IGF2BP2: variants seen among roughly 807,000 people sequenced by gnomAD.
IGF2BP2 encodes insulin-like growth factor 2 mRNA-binding protein 2.
In IGF2BP2, 17 loss-of-function variants were observed where a neutral mutation model predicts 75.8. That is an observed-to-expected ratio of 0.22 (90% CI 0.15 to 0.34). The LOEUF (loss-of-function observed/expected upper bound fraction) is 0.34. Ranked by LOEUF, IGF2BP2 falls within the 10% of genes least tolerant of loss-of-function variation. The pLI, the probability that IGF2BP2 is intolerant of heterozygous loss-of-function variation, is 1.00. For missense variants in IGF2BP2, 516 were observed against 772.4 expected (o/e 0.67, Z 3.93); for synonymous variants, 288 against 295.6 (o/e 0.97, Z 0.26).
intron 2 of IGF2BP2, among the ~76,000 whole-genome samples, chr3:185,727,297 C>G (rs182096771): frequency 1.7e-3 from 260 of 151,766 alleles, no homozygotes; most frequent in Non-Finnish European, 2.3e-3. Context: ...GCAAGGGAGA[C>G]GCAGAGCCCT....
intron 2 of IGF2BP2, among the ~76,000 whole-genome samples, chr3:185,748,071 G>A (rs1182290423): frequency 6.6e-6 from 1 of 151,982 alleles, no homozygotes; most frequent in Non-Finnish European, 1.5e-5. Flanking sequence ...TAGCCAGGAT[G>A]GTCTCAATCT....
chr3:185,810,758 C>T (rs890447446), intron 2 of IGF2BP2, among the ~76,000 whole-genome samples: 2 of 147,086 alleles, frequency 1.4e-5, no homozygotes, highest in Non-Finnish European at 1.5e-5. Context: ...TAGGCAACAG[C>T]GAGACTCTGT....
intron 2 of IGF2BP2, among the ~76,000 whole-genome samples, chr3:185,776,040 T>C (rs1386695065): frequency 6.6e-6 from 1 of 152,102 alleles, no homozygotes; most frequent in African/African-American, 2.4e-5. Context: ...GCCCAGGAGT[T>C]TGAGACGAAC....
chr3:185,682,587 GA>G (rs1021861920), intron 7 of IGF2BP2, among the ~76,000 whole-genome samples: 2 of 152,096 alleles, frequency 1.3e-5, no homozygotes, highest in African/African-American at 4.8e-5. Context: ...CTCCCATAAC[GA>G]AAGAATCAAA....
intron 12 of IGF2BP2, among the ~76,000 whole-genome samples, chr3:185,652,913 G>A (rs561058697): frequency 6.6e-6 from 1 of 152,256 alleles, no homozygotes; most frequent in Non-Finnish European, 1.5e-5. Flanking sequence ...CTGGGTTCAA[G>A]CGAGTCTCCT....
chr3:185,773,940 G>A (rs547328637), intron 2 of IGF2BP2, among the ~76,000 whole-genome samples: 9 of 152,214 alleles, frequency 5.9e-5, no homozygotes, highest in South Asian at 4.1e-4. Flanking sequence ...GCTCCTTCGC[G>A]GAGATCTTCT....
At chr3:185,778,793 A>G (rs1038116711) in intron 2 of IGF2BP2, among the ~76,000 whole-genome samples, 10 of 152,204 alleles carry the variant, frequency 6.6e-5, no homozygotes, top group African/African-American at 2.4e-4. Context: ...TTGTGCTACA[A>G]TTCTCCAATC....
chr3:185,803,927 C>T (rs943249614), intron 2 of IGF2BP2, among the ~76,000 whole-genome samples: 1 of 151,964 alleles, frequency 6.6e-6, no homozygotes. Context: ...AGTTTGAGAC[C>T]AGCCTGGCCA....
Position 185,698,333 on chromosome 3 carries a change from T to C in IGF2BP2, c.254A>G (p.Gln85Arg). 1 of 1,614,030 alleles carries C rather than the reference T, an allele frequency of 6.2e-7. No individual in the cohort carries two copies. Among genetic ancestry groups the C allele is most frequent in the Non-Finnish European group, 8.5e-7 (1 of 1,179,898 alleles). The change falls in exon 3 of 16, where the codon CAG (glutamine) becomes CGG (arginine). Residue 85 changes from glutamine to arginine, a missense_variant. Physicochemically the swap from Gln to Arg is conservative, Grantham distance 43 (BLOSUM62 1). Transcript: ENST00000382199. ...CAGGTGAGGAGGGATGTTTCGAATC[T>C]GAATTTTCCTGCTCCTGTAAAGATA... ...VSKKLRSRKIQIRNIPPHLQW... is the reference protein window; with the variant it reads ...VSKKLRSRKIRIRNIPPHLQW...
At chr3:185,683,136 A>G (rs985305352) in intron 7 of IGF2BP2, among the ~76,000 whole-genome samples, 4 of 152,230 alleles carry the variant, frequency 2.6e-5, no homozygotes, top group African/African-American at 9.6e-5. Context: ...AGCCTGTTAC[A>G]TGCTATAACA....
intron 2 of IGF2BP2, among the ~76,000 whole-genome samples, chr3:185,730,399 T>C (rs1727987536): frequency 1.3e-5 from 2 of 151,460 alleles, no homozygotes; most frequent in African/African-American, 4.9e-5. Flanking sequence ...TGGTGAACGG[T>C]ACGATGATAA....
chr3:185,733,331 A>T (rs1418448538), intron 2 of IGF2BP2, among the ~76,000 whole-genome samples: 1 of 152,212 alleles, frequency 6.6e-6, no homozygotes, highest in African/African-American at 2.4e-5. Flanking sequence ...AAGGAAACTG[A>T]GGAATGGTTA....
chr3:185,677,064 T>TAGAGAGAGAG (rs1227931431), intron 7 of IGF2BP2, among the ~76,000 whole-genome samples: 6 of 45,766 alleles, frequency 1.3e-4, no homozygotes, highest in African/African-American at 5.4e-4. Context: ...TATATATATA[T>TAGAGAGAGAG]ATATAGAGAG....
At chr3:185,783,683 T>C (rs191695937) in intron 2 of IGF2BP2, among the ~76,000 whole-genome samples, 2 of 152,300 alleles carry the variant, frequency 1.3e-5, no homozygotes, top group African/African-American at 4.8e-5. Context: ...TGCTTCCCCA[T>C]CTATGATGTA....
At chr3:185,729,890 T>C (rs1296799688) in intron 2 of IGF2BP2, 1 of 152,244 alleles carries the variant, frequency 6.6e-6, no homozygotes, top group African/African-American at 2.4e-5. Flanking sequence ...GTATCTTCTC[T>C]TAAGCAAGGC....
chr3:185,781,368 T>C (rs187242100), intron 2 of IGF2BP2, among the ~76,000 whole-genome samples: 149 of 152,300 alleles, frequency 9.8e-4, no homozygotes, highest in Admixed American at 5.6e-3. Context: ...AGGAAGAATC[T>C]AGTTGTCTGT....
chr3:185,744,221 A>G (rs188832365), intron 2 of IGF2BP2, among the ~76,000 whole-genome samples: 163 of 152,344 alleles, frequency 1.1e-3, no homozygotes, highest in Non-Finnish European at 1.4e-3. Context: ...GGAACTCAGG[A>G]AAAGTATTTT....
In IGF2BP2 at chr3:185,806,358, G is replaced by A. The variant is rs73885776; in HGVS notation, c.239+16795C>T. 3.5e-3 allele frequency among the ~76,000 whole-genome samples: 540 copies of A among 152,176 alleles called. 1 individual carries two copies. Among genetic ancestry groups the A allele is most frequent in the African/African-American group, 0.012 (512 of 41,504 alleles). ...ACTATATAGAAAATTATATTTACCC[G>A]TAGTGTTTTTTAACTCATAAAAAAG... On this transcript the variant is annotated intron_variant, in intron 2 of 15. Coordinates refer to ENST00000382199, the MANE Select transcript of IGF2BP2 (RefSeq NM_006548.6).
chr3:185,771,790 GCAA>G (rs1733911440), intron 2 of IGF2BP2, among the ~76,000 whole-genome samples: 1 of 151,930 alleles, frequency 6.6e-6, no homozygotes, highest in African/African-American at 2.4e-5. Flanking sequence ...TACTTGCATT[GCAA>G]CACTTAGTCT....
Sources: allele counts gnomAD v4.1 joint callset (sites outside exome capture counted in the v4.1 genomes callset), GRCh38; gene constraint gnomAD v4.1.1; transcripts MANE v1.5; gene names NCBI Gene and HGNC (gene_info 2026-07-23, HGNC 2026-07-21).